The following CASP8 variants were observed in gnomAD, a reference collection of about 807,000 sequenced individuals.
CASP8 encodes caspase 8.
CASP8 carries 24 observed loss-of-function variants against 46.3 expected under a neutral mutation model. The ratio of observed to expected loss-of-function variants is 0.52; its 90% CI spans 0.38 to 0.73. CASP8 has a LOEUF of 0.73. Among genes scored for constraint, CASP8 ranks in the 30% least tolerant of loss-of-function variants. The pLI is 0.00. For synonymous variants in CASP8, 188 were observed against 200.4 expected, an observed-to-expected ratio of 0.94 and a Z score of 0.52; for missense variants, 460 against 559.0, an observed-to-expected ratio of 0.82 and a Z score of 1.79.
At chr2:201,276,798 A>G in intron 6 of CASP8, 29 bp from the exon 7 acceptor site, 1 of 1,613,812 alleles carries the variant, frequency 6.2e-7, no homozygotes, top group Non-Finnish European at 8.5e-7. Flanking sequence ...CCACAGAGTC[A>G]GCTCCTGGGT....
chr2:201,274,203 T>C (rs1406224069), intron 5 of CASP8, among the ~76,000 whole-genome samples: 1 of 152,158 alleles, frequency 6.6e-6, no homozygotes. Context: ...CTGCTGAGCC[T>C]AAGGCCTTAA....
intron 2 of CASP8, among the ~76,000 whole-genome samples, chr2:201,245,561 G>A (rs967969146): frequency 6.6e-6 from 1 of 152,138 alleles, no homozygotes; most frequent in Non-Finnish European, 1.5e-5. Flanking sequence ...ATAACCATCC[G>A]GAGTATCATG....
At chr2:201,257,553 C>T (rs956627147), upstream of CASP8, among the ~76,000 whole-genome samples, 2 of 151,448 alleles carry the variant, frequency 1.3e-5, no homozygotes, top group Non-Finnish European at 2.9e-5. Flanking sequence ...ACCTCAGTAG[C>T]ACCAACACTC....
chr2:201,251,401 G>A (rs1044904592), intron 2 of CASP8, among the ~76,000 whole-genome samples: 3 of 151,612 alleles, frequency 2.0e-5, no homozygotes, highest in Admixed American at 1.3e-4. Context: ...AGACCAGTCT[G>A]GCTAACACAG....
At chr2:201,279,163 T>C (rs1948837030) in intron 7 of CASP8, among the ~76,000 whole-genome samples, 1 of 152,212 alleles carries the variant, frequency 6.6e-6, no homozygotes, top group Non-Finnish European at 1.5e-5. Context: ...GAAGATTCTT[T>C]GAAAGCCTAT....
chr2:201,245,934 C>A (rs1946497995), intron 2 of CASP8, among the ~76,000 whole-genome samples: 1 of 140,998 alleles, frequency 7.1e-6, no homozygotes, highest in African/African-American at 2.8e-5. Flanking sequence ...ATGGTGCAAT[C>A]TCGGCTCACC....
intron 2 of CASP8, chr2:201,269,511 T>C (rs1454366646): frequency 6.2e-7 from 1 of 1,611,898 alleles, no homozygotes; most frequent in Non-Finnish European, 8.5e-7. Context: ...CCTTTGAAGG[T>C]TCCACTTCTG....
chr2:201,241,367 A>T (rs543247848), intron 2 of CASP8: 3 of 152,330 alleles, frequency 2.0e-5, no homozygotes, highest in African/African-American at 7.2e-5. Context: ...GAAATAAAAG[A>T]GGAGACATTA....
rs1949566938 is a variant in CASP8, at chr2:201,286,465, T to C, written c.1311T>C (p.Asp437=). 6.2e-7 allele frequency: 1 copy of C among 1,612,712 alleles called. No individual in the cohort carries two copies. The highest frequency in any genetic ancestry group is 1.1e-5 in the South Asian group (1 of 91,068). The change falls in exon 9 of 9, where the codon GAT becomes GAC. Residue 437 remains aspartate, a synonymous_variant. Transcript: ENST00000673742. The part of the protein sequence containing the change: ...QSLRERCPRG[D]DILTILTEVN... The stretch of plus-strand genomic sequence containing the variant: ...ATTATGTGATGTATTTCAGAGGCGA[T>C]GATATTCTCACCATCCTGACTGAAG...
At chr2:201,248,079 C>G (rs896278349) in intron 2 of CASP8, among the ~76,000 whole-genome samples, 3 of 152,188 alleles carry the variant, frequency 2.0e-5, no homozygotes, top group Non-Finnish European at 4.4e-5. Flanking sequence ...TGTGCCTGGA[C>G]AGCACCACCT....
chr2:201,284,661 A>AGGGAGT (rs1949439830), intron 7 of CASP8, among the ~76,000 whole-genome samples, 155 bp from the exon 8 acceptor site: 1 of 31,138 alleles, frequency 3.2e-5, no homozygotes, highest in Non-Finnish European at 1.0e-4. Context: ...TGAGAGGGAG[A>AGGGAGT]GGGAGACGGG....
At chr2:201,243,399 A>G (rs1245756659) in intron 2 of CASP8, among the ~76,000 whole-genome samples, 1 of 152,248 alleles carries the variant, frequency 6.6e-6, no homozygotes, top group African/African-American at 2.4e-5. Context: ...AGGATATAGA[A>G]GAGATTTCCC....
rs568366191 is a variant in CASP8, at chr2:201,274,048, C to A, written c.596-841C>A. Among the ~76,000 whole-genome samples the A allele has an allele frequency of 3.9e-3, 587 of 152,160 alleles. 5 individuals are homozygous for A. The highest frequency in any genetic ancestry group is 0.014 in the African/African-American group (569 of 41,514). ...GAAATTTTTACAAGTCCAAGAACAC[C>A]ATCACTCCATTCATATTATGAATAT... On this transcript the variant is annotated intron_variant, in intron 5 of 8. Transcript: ENST00000673742.
chr2:201,235,662 T>C (rs1055295183), intron 2 of CASP8, among the ~76,000 whole-genome samples: 1 of 152,200 alleles, frequency 6.6e-6, no homozygotes. Context: ...ATGATTGATA[T>C]ACAACAAATG....
At chr2:201,259,880 A>G (rs1947264863), upstream of CASP8, among the ~76,000 whole-genome samples, 1 of 148,880 alleles carries the variant, frequency 6.7e-6, no homozygotes, top group Non-Finnish European at 1.5e-5. Flanking sequence ...TGCATTTTAG[A>G]GTTTTTTCTT....
At chr2:201,271,690 A>G (rs1948256993) in intron 3 of CASP8, 69 bp downstream of exon 3, 1 of 960,892 alleles carries the variant, frequency 1.0e-6, no homozygotes, top group Non-Finnish European at 1.7e-6. Context: ...TCTGAGACCA[A>G]AGAGAGGGGT....
At chr2:201,236,636 G>A (rs1319077072) in intron 2 of CASP8, among the ~76,000 whole-genome samples, 5 of 152,184 alleles carry the variant, frequency 3.3e-5, no homozygotes, top group Non-Finnish European at 5.9e-5. Flanking sequence ...CCAGGCTGGA[G>A]TGCAGTGGTG....
chr2:201,253,170 G>T (rs1946860759), intron 2 of CASP8, among the ~76,000 whole-genome samples: 1 of 151,428 alleles, frequency 6.6e-6, no homozygotes, highest in Admixed American at 6.6e-5. Flanking sequence ...TAATTTTTTT[G>T]ATTTTTGGTA....
intron 1 of CASP8, among the ~76,000 whole-genome samples, chr2:201,262,772 A>G (rs1330091458): frequency 6.6e-6 from 1 of 152,236 alleles, no homozygotes; most frequent in Non-Finnish European, 1.5e-5. Flanking sequence ...GTCCCATAAA[A>G]CAAGAACTGC....
Sources: gnomAD v4.1 joint callset for allele counts (sites outside exome capture counted in the v4.1 genomes callset) on GRCh38, gnomAD v4.1.1 for gene constraint, MANE v1.5 for transcripts, NCBI Gene and HGNC (gene_info 2026-07-23, HGNC 2026-07-21) for gene names.